Variants in ITPR1 observed in about 807,000 individuals in gnomAD.
ITPR1 encodes inositol 1,4,5-trisphosphate receptor type 1, also known as inositol 1,4,5-trisphosphate-gated calcium channel ITPR1.
ITPR1 carries 96 observed loss-of-function variants against 318.4 expected under a neutral mutation model. That is an observed-to-expected ratio of 0.30 (90% CI 0.26 to 0.36). The LOEUF is 0.36. ITPR1 is among the 10% of genes least tolerant of loss of function. The probability of loss-of-function intolerance (pLI) is 1.00; values close to 1 mark genes in which losing one functional copy is unlikely to be tolerated. For missense variants in ITPR1, 2,440 were observed against 3,460.2 expected (o/e 0.71, Z 7.40); for synonymous variants, 1,312 against 1,289.9 (o/e 1.02, Z -0.37).
In ITPR1 at chr3:4,627,560, A is replaced by C. The variant is rs9828379; in HGVS notation, c.164-203A>C. On this transcript the variant is annotated intron_variant, in intron 4 of 61. Coordinates refer to ENST00000649015, the MANE Select transcript of ITPR1 (RefSeq NM_001378452.1). ...AGTGGTTCTGTAGAACAATCGACTC[A>C]CTTTCTTTAAGCCTTGGTTTCCTCG... is the stretch of plus-strand genomic sequence containing the variant. 0.12 allele frequency among the ~76,000 whole-genome samples: 17,864 copies of C among 152,194 alleles called. 1,763 individuals carry two copies. Among genetic ancestry groups the C allele is most frequent in the African/African-American group, 0.27 (11,078 of 41,492 alleles).
At chr3:4,674,485 T>C in intron 22 of ITPR1, 142 bp downstream of exon 22, 1 of 673,982 alleles carries the variant, frequency 1.5e-6, no homozygotes, top group Non-Finnish European at 2.4e-6. Context: ...TCAGCTTGGT[T>C]TTGTTCCAGA....
At chr3:4,528,762 A>G (rs1426936403) in intron 4 of ITPR1, among the ~76,000 whole-genome samples, 1 of 152,214 alleles carries the variant, frequency 6.6e-6, no homozygotes, top group Non-Finnish European at 1.5e-5. Flanking sequence ...GAAGGTTTCA[A>G]GAGTGTGTGC....
At chr3:4,692,402 T>C (rs1156468015) in intron 32 of ITPR1, among the ~76,000 whole-genome samples, 1 of 152,232 alleles carries the variant, frequency 6.6e-6, no homozygotes, top group Non-Finnish European at 1.5e-5. Context: ...TTGTCTATAA[T>C]AAATTATTTA....
intron 4 of ITPR1, among the ~76,000 whole-genome samples, chr3:4,619,259 G>A (rs1483725801): frequency 6.6e-6 from 1 of 152,012 alleles, no homozygotes; most frequent in Non-Finnish European, 1.5e-5. Context: ...TCTTATGCTG[G>A]GGAATTACTG....
intron 6 of ITPR1, among the ~76,000 whole-genome samples, chr3:4,640,934 G>A (rs2093323740): frequency 6.6e-6 from 1 of 152,196 alleles, no homozygotes; most frequent in Admixed American, 6.5e-5. Context: ...TTGAGGGGTT[G>A]GGAAGACGTT....
At position 4,777,311 on chromosome 3, in the gene ITPR1, C is replaced by G; in HGVS notation, c.6228C>G (p.Ala2076=). Residue 2076 remains alanine, a synonymous_variant, in exon 48 of 62, where the codon GCC becomes GCG. Transcript: ENST00000649015. ...HESNGIDIIT[A]LILNDINPLG... ...CCAATGGCATTGACATCATCACAGCCCTGATCCTCAATGATATCAATCCTT... is the reference window on the plus strand; with the variant it reads ...CCAATGGCATTGACATCATCACAGCGCTGATCCTCAATGATATCAATCCTT... 1 of 1,608,106 alleles carries G rather than the reference C, an allele frequency of 6.2e-7. No individual in the cohort carries two copies. The highest frequency in any genetic ancestry group is 8.5e-7 in the Non-Finnish European group (1 of 1,177,270).
chr3:4,775,808 C>T (rs930287103), intron 47 of ITPR1, among the ~76,000 whole-genome samples: 6 of 152,140 alleles, frequency 3.9e-5, no homozygotes, highest in Admixed American at 6.5e-5. Context: ...AGAGTGACTA[C>T]TGGAAGGGGG....
At chr3:4,662,881 A>T (rs1439846702) in intron 15 of ITPR1, among the ~76,000 whole-genome samples, 184 bp from the exon 16 acceptor site, 1 of 152,156 alleles carries the variant, frequency 6.6e-6, no homozygotes, top group Non-Finnish European at 1.5e-5. Flanking sequence ...TTTGTGGACA[A>T]TGATATGTTT....
chr3:4,513,783 C>T (rs140976039), intron 2 of ITPR1, among the ~76,000 whole-genome samples: 62 of 152,254 alleles, frequency 4.1e-4, no homozygotes, highest in South Asian at 1.5e-3. Context: ...AACACCTCCA[C>T]TGAAGAATCA....
At chr3:4,582,322 A>G (rs1250944474) in intron 4 of ITPR1, among the ~76,000 whole-genome samples, 1 of 152,096 alleles carries the variant, frequency 6.6e-6, no homozygotes, top group African/African-American at 2.4e-5. Context: ...CCATGTTCCT[A>G]CTGTGTCTGT....
At chr3:4,675,286 C>T in intron 23 of ITPR1, 38 bp downstream of exon 23, 3 of 1,472,962 alleles carry the variant, frequency 2.0e-6, no homozygotes, top group South Asian at 2.4e-5. Context: ...TGAGAGATGC[C>T]CTCCAGCCTT....
chr3:4,802,174 TG>T (rs1412265537), intron 54 of ITPR1, among the ~76,000 whole-genome samples: 1 of 152,244 alleles, frequency 6.6e-6, no homozygotes, highest in East Asian at 1.9e-4. Context: ...CAGACTTTAA[TG>T]TACTAATATG....
chr3:4,770,222 A>C (rs1165292707), intron 46 of ITPR1, among the ~76,000 whole-genome samples: 2 of 152,296 alleles, frequency 1.3e-5, no homozygotes, highest in African/African-American at 4.8e-5. Flanking sequence ...GATGCCTGTC[A>C]CACCTCGATT....
At position 4,784,521 on chromosome 3, in the gene ITPR1, G is replaced by C. The variant is rs948653964; in HGVS notation, c.6615+601G>C. On this transcript the variant is annotated intron_variant, in intron 51 of 61. Transcript: ENST00000649015. ...TCCCCAGAGCAATGGGGAACCACTG[G>C]AGAGTTTTCCCCAAGAGGGCATTAC... 3.3e-5 allele frequency among the ~76,000 whole-genome samples: 5 copies of C among 151,758 alleles called. No homozygotes were observed. In the South Asian group the frequency reaches 6.2e-4, roughly 19 times the overall value.
At chr3:4,639,558 A>G in intron 6 of ITPR1, 88 bp downstream of exon 6, 1 of 971,914 alleles carries the variant, frequency 1.0e-6, no homozygotes, top group Non-Finnish European at 1.6e-6. Context: ...GGGTTTGGAC[A>G]CCTTTACAGC....
intron 4 of ITPR1, among the ~76,000 whole-genome samples, chr3:4,532,119 A>G (rs756372116): frequency 7.8e-4 from 119 of 152,288 alleles, no homozygotes; most frequent in Non-Finnish European, 5.1e-4. Flanking sequence ...GATGGTTTTG[A>G]CTTAGCCCTT....
chr3:4,791,392 C>A (rs1208988724), intron 52 of ITPR1, among the ~76,000 whole-genome samples: 1 of 152,186 alleles, frequency 6.6e-6, no homozygotes, highest in Non-Finnish European at 1.5e-5. Flanking sequence ...GATCATCAAG[C>A]ATTAGATTTT....
At chr3:4,579,495 G>A (rs1408174621) in intron 4 of ITPR1, among the ~76,000 whole-genome samples, 1 of 152,166 alleles carries the variant, frequency 6.6e-6, no homozygotes, top group Non-Finnish European at 1.5e-5. Context: ...TATCTTCATG[G>A]AAATTAATTT....
At chr3:4,717,761 G>T (rs375331037) in intron 40 of ITPR1, among the ~76,000 whole-genome samples, 2 of 152,204 alleles carry the variant, frequency 1.3e-5, no homozygotes, top group Non-Finnish European at 2.9e-5. Context: ...TGTGAGTAAA[G>T]CATCTGATAC....
Sources: gnomAD v4.1 joint callset for allele counts (sites outside exome capture counted in the v4.1 genomes callset) on GRCh38, gnomAD v4.1.1 for gene constraint, MANE v1.5 for transcripts, NCBI Gene and HGNC (gene_info 2026-07-23, HGNC 2026-07-21) for gene names.